NID1: variants seen among roughly 807,000 people sequenced by gnomAD.
NID1 encodes the protein nidogen 1.
Under a neutral mutation model 130.6 loss-of-function variants are expected in NID1, and 76 were observed. The ratio of observed to expected loss-of-function variants is 0.58; its 90% CI spans 0.48 to 0.70. NID1 has a LOEUF of 0.70. Ranked by LOEUF, NID1 falls within the 30% of genes least tolerant of loss-of-function variation. NID1 has a pLI of 0.00. For synonymous variants in NID1, 665 were observed against 675.1 expected (o/e 0.98, Z 0.23); for missense variants, 1,517 against 1,664.8 (o/e 0.91, Z 1.54).
At chr1:235,996,670 T>C (rs1657931666) in intron 12 of NID1, among the ~76,000 whole-genome samples, 1 of 152,186 alleles carries the variant, frequency 6.6e-6, no homozygotes, top group Non-Finnish European at 1.5e-5. Context: ...CTCGAACTAC[T>C]GAGCTCAAGT....
At chr1:236,030,009 T>C (rs1341700240) in intron 6 of NID1, among the ~76,000 whole-genome samples, 1 of 152,072 alleles carries the variant, frequency 6.6e-6, no homozygotes, top group Non-Finnish European at 1.5e-5. Context: ...GTGCTGGAAA[T>C]AGCGGAGGAC....
At chr1:236,042,369 C>T in intron 3 of NID1, 77 bp from the exon 4 acceptor site, 1 of 1,529,830 alleles carries the variant, frequency 6.5e-7, no homozygotes, top group Non-Finnish European at 8.8e-7. Flanking sequence ...AGAGGGAGCC[C>T]TGAGGATCTG....
intron 1 of NID1, among the ~76,000 whole-genome samples, chr1:236,052,976 T>A (rs1659804847): frequency 1.3e-5 from 2 of 152,312 alleles, no homozygotes; most frequent in Middle Eastern, 3.4e-3. Context: ...CACCAATAAA[T>A]TATGCACCAA....
At position 236,025,920 on chromosome 1, in the gene NID1, TGA is replaced by T; in HGVS notation, c.1958_1959del (p.Leu653GlnfsTer13). ...NQEEKILRYA[L>X]SNSIGPVREG... ...CCCCTCACAGGCCCAATGGAGTTGCTGAGAGCATAGCGCAAGATCTTCTCCTC... is the reference window on the plus strand; with the variant it reads ...CCCCTCACAGGCCCAATGGAGTTGCTGAGCATAGCGCAAGATCTTCTCCTC... On this transcript the variant is annotated frameshift_variant, in exon 8 of 20. Coordinates refer to ENST00000264187, the MANE Select transcript of NID1 (RefSeq NM_002508.3). LOFTEE classifies it high-confidence loss of function. The T allele has an allele frequency of 6.2e-7, 1 of 1,613,938 alleles. No individual in the cohort carries two copies.
intron 1 of NID1, among the ~76,000 whole-genome samples, chr1:236,050,751 T>C (rs929997391): frequency 1.3e-5 from 2 of 152,024 alleles, no homozygotes; most frequent in Admixed American, 6.6e-5. Flanking sequence ...AAGCCAGTGA[T>C]AGTTTTCCTT....
rs1473074273 is a variant in NID1 at position 235,976,720 on chromosome 1, T to C, written c.*1147A>G. The stretch of plus-strand genomic sequence containing the variant: ...TCCCTTTAATTAGATCATTGAGCAA[T>C]AAAGGATATGAACCATTAGTATAAA... On this transcript the variant is annotated 3_prime_UTR_variant, in exon 20 of 20. Coordinates refer to ENST00000264187, the MANE Select transcript of NID1 (RefSeq NM_002508.3). 7 of 152,218 alleles carry C rather than the reference T, an allele frequency of 4.6e-5. No homozygotes were observed. The highest frequency in any genetic ancestry group is 1.5e-5 in the Non-Finnish European group (1 of 68,056). 9.4% of individuals were successfully genotyped at this position (152,218 alleles called of 1,614,324 possible). A position where few individuals can be genotyped will look rare whatever the true frequency, so the allele number is the denominator to read the frequency against.
In NID1 at chr1:236,025,944, C is replaced by A. The variant is rs1194347699; in HGVS notation, c.1936G>T (p.Glu646Ter). Residue 646 changes from glutamate to a stop codon, truncating the protein, a stop_gained, in exon 8 of 20, where the codon GAG becomes TAG. Transcript: ENST00000264187. LOFTEE classifies it high-confidence loss of function. ...CTGAGAGCATAGCGCAAGATCTTCT[C>A]CTCCTGGTTGTACAGGACGAACACG... is the stretch of plus-strand genomic sequence containing the variant. ...DSVFVLYNQE[E>*]KILRYALSNS... 1 of 1,614,090 alleles carries A rather than the reference C, an allele frequency of 6.2e-7. No individual in the cohort carries two copies. Among genetic ancestry groups the A allele is most frequent in the South Asian group, 1.1e-5 (1 of 91,064 alleles).
chr1:236,024,153 T>C lies in NID1; in HGVS notation c.2045A>G (p.Asn682Ser), dbSNP rs200037737. Residue 682 changes from asparagine to serine, a missense_variant, in exon 9 of 20, where the codon AAC (asparagine) becomes AGC (serine). Physicochemically the swap from Asn to Ser is conservative, Grantham distance 46. Around this residue, in one of 3 missense-constraint regions of NID1, gnomAD observed 1,329 missense variants for 1,429.2 expected, o/e 0.93. Transcript: ENST00000264187. ...CCTGGGACCAGGGCGACAGGCCGCGTTGGTGTCACACCCATGAGTGCCGAT... is the reference window on the plus strand; with the variant it reads ...CCTGGGACCAGGGCGACAGGCCGCGCTGGTGTCACACCCATGAGTGCCGAT... ...CYIGTHGCDTNAACRPGPRTQ... is the reference protein window; with the variant it reads ...CYIGTHGCDTSAACRPGPRTQ... 2.2e-4 allele frequency: 361 copies of C among 1,614,270 alleles called. 5 individuals carry two copies. In the South Asian group the frequency reaches 3.4e-3, roughly 15 times the overall value.
intron 13 of NID1, among the ~76,000 whole-genome samples, chr1:235,992,831 C>T (rs1254350893): frequency 6.6e-6 from 1 of 152,204 alleles, no homozygotes; most frequent in African/African-American, 2.4e-5. Flanking sequence ...TGATTATTAG[C>T]TAAATTGTGA....
Position 236,025,947 on chromosome 1 carries a change from C to T in NID1, c.1933G>A (p.Glu645Lys), listed in dbSNP as rs774488061. 5.6e-6 allele frequency: 9 copies of T among 1,614,014 alleles called. No homozygotes were observed. In the East Asian group the frequency reaches 2.0e-4, roughly 36 times the overall value. ...VDSVFVLYNQEEKILRYALSN... is the reference protein window; with the variant it reads ...VDSVFVLYNQKEKILRYALSN... Reference sequence around the variant, plus strand: ...AGAGCATAGCGCAAGATCTTCTCCTCCTGGTTGTACAGGACGAACACGCTG... The same window carrying T: ...AGAGCATAGCGCAAGATCTTCTCCTTCTGGTTGTACAGGACGAACACGCTG... The change falls in exon 8 of 20, where the codon GAG becomes AAG. Residue 645 changes from glutamate (E) to lysine (K), a missense_variant. This residue lies in a region of NID1 where 1,329 missense variants were observed against 1,429.2 expected (regional missense o/e 0.93). Coordinates refer to ENST00000264187, the MANE Select transcript of NID1 (RefSeq NM_002508.3).
Position 235,981,619 on chromosome 1 carries a change from G to A in NID1, c.3219C>T (p.Ser1073=), listed in dbSNP as rs145820513. 4 of 1,611,322 alleles carry A rather than the reference G, an allele frequency of 2.5e-6. No individual in the cohort carries two copies. The highest frequency in any genetic ancestry group is 1.1e-5 in the South Asian group (1 of 90,536). Residue 1073 remains serine, a synonymous_variant, in exon 16 of 20, where the codon TCC becomes TCT. Coordinates refer to ENST00000264187, the MANE Select transcript of NID1 (RefSeq NM_002508.3). ...LVNPRGIVTD[S]VRGNLYWTDW... is the part of the protein sequence containing the mutation. ...TATTTACACAAAGATACCCTCTCAC[G>A]GAATCCGTTACAATGCCTCTGGGAT... is the stretch of plus-strand genomic sequence containing the variant.
chr1:236,061,744 C>G (rs966720975), intron 1 of NID1, among the ~76,000 whole-genome samples: 1 of 151,372 alleles, frequency 6.6e-6, no homozygotes, highest in Non-Finnish European at 1.5e-5. Context: ...AAAAAAAACA[C>G]GATTTTTTTT....
At chr1:236,022,616 G>C (rs1316785688) in intron 9 of NID1, among the ~76,000 whole-genome samples, 1 of 151,246 alleles carries the variant, frequency 6.6e-6, no homozygotes, top group Non-Finnish European at 1.5e-5. Context: ...GGGATTACAG[G>C]TGTGAGCCAC....
chr1:236,055,314 A>G (rs530103782), intron 1 of NID1, among the ~76,000 whole-genome samples: 126 of 151,774 alleles, frequency 8.3e-4, no homozygotes, highest in African/African-American at 2.4e-3. Context: ...AAAAATAATA[A>G]TAATAATAAT....
At chr1:235,992,096 G>A (rs1312667547) in intron 13 of NID1, among the ~76,000 whole-genome samples, 1 of 152,160 alleles carries the variant, frequency 6.6e-6, no homozygotes, top group African/African-American at 2.4e-5. Context: ...AGGGCTGATT[G>A]GGTGTCTGGA....
intron 1 of NID1, among the ~76,000 whole-genome samples, chr1:236,059,697 C>T (rs2102853324): frequency 6.6e-6 from 1 of 152,302 alleles, no homozygotes; most frequent in South Asian, 2.1e-4. Flanking sequence ...CTAAGGATTA[C>T]TGGAAAGGGG....
At position 235,977,712 on chromosome 1, in the gene NID1, G is replaced by A; in HGVS notation, c.*155C>T. 1 of 756,076 alleles carries A rather than the reference G, an allele frequency of 1.3e-6. No individual in the cohort carries two copies. The highest frequency in any genetic ancestry group is 2.6e-5 in the East Asian group (1 of 38,798). 46.8% of individuals were successfully genotyped at this position (756,076 alleles called of 1,614,324 possible). On this transcript the variant is annotated 3_prime_UTR_variant, in exon 20 of 20. Coordinates refer to ENST00000264187, the MANE Select transcript of NID1 (RefSeq NM_002508.3). Reference sequence around the variant, plus strand: ...TAGAGAAGTCCAGGGTGCATGTTTTGGGGAACAGTGAGGGAAAAGTTGTTG... The same window carrying A: ...TAGAGAAGTCCAGGGTGCATGTTTTAGGGAACAGTGAGGGAAAAGTTGTTG...
intron 17 of NID1, 88 bp downstream of exon 17, chr1:235,980,408 G>A: frequency 7.4e-7 from 1 of 1,356,578 alleles, no homozygotes; most frequent in Non-Finnish European, 1.0e-6. Flanking sequence ...ACAGGTGGCT[G>A]GTTAGATTTG....
At position 236,038,271 on chromosome 1, in the gene NID1, T is replaced by C. The variant is rs566225374; in HGVS notation, c.1136-18A>G. 2.0e-5 allele frequency: 32 copies of C among 1,609,580 alleles called. No homozygotes were observed. Among genetic ancestry groups the C allele is most frequent in the Non-Finnish European group, 2.6e-5 (31 of 1,176,814 alleles). On this transcript the variant is annotated intron_variant, in intron 4 of 19. Transcript: ENST00000264187. ...GCTGAAAACTGGTCCAAGAAAACAA[T>C]TGCACACCTGTAAGCATTTCATGCA...
Sources: allele counts gnomAD v4.1 joint callset (sites outside exome capture counted in the v4.1 genomes callset), GRCh38; gene constraint gnomAD v4.1.1; regional missense constraint gnomAD v4.1.1; transcripts MANE v1.5; gene names NCBI Gene and HGNC (gene_info 2026-07-23, HGNC 2026-07-21).